ALG9: variants seen among roughly 807,000 people sequenced by gnomAD.
The protein encoded by ALG9 is ALG9 alpha-1,2-mannosyltransferase.
A neutral mutation model predicts 81.8 loss-of-function variants in ALG9; 55 were observed. That is an observed-to-expected ratio of 0.67 (90% CI 0.54 to 0.84). The LOEUF (loss-of-function observed/expected upper bound fraction) is 0.84. Ranked by LOEUF, ALG9 falls within the 40% of genes least tolerant of loss-of-function variation. ALG9 has a pLI of 0.00. For missense variants in ALG9, 629 were observed against 745.0 expected, an observed-to-expected ratio of 0.84 and a Z score of 1.81; for synonymous variants, 278 against 274.3, an observed-to-expected ratio of 1.01 and a Z score of -0.13.
chr11:111,777,653 A>T (rs1555055693), downstream of ALG9, among the ~76,000 whole-genome samples: 4 of 149,910 alleles, frequency 2.7e-5, no homozygotes, highest in East Asian at 2.0e-4. Flanking sequence ...ACACAAATAT[A>T]AAAAAAAAAT....
At position 111,864,537 on chromosome 11, in the gene ALG9, C is replaced by T. The variant is rs1961605739; in HGVS notation, c.476+644G>A. ...TTCAAAAGAGAGCTAAATTTGAAGC[C>T]TGTACAAAAGCTTATCCCTGTAGCA... On this transcript the variant is annotated intron_variant, in intron 4 of 14. Coordinates refer to ENST00000616540, the MANE Select transcript of ALG9 (RefSeq NM_024740.2). 4 of 639,214 alleles carry T rather than the reference C, an allele frequency of 6.3e-6. No homozygotes were observed. The Admixed American group carries it at 9.4e-5, about 15-fold the overall frequency. 39.6% of individuals were successfully genotyped at this position (639,214 alleles called of 1,614,324 possible).
At chr11:111,826,609 C>T (rs1297877009) in intron 13 of ALG9, among the ~76,000 whole-genome samples, 1 of 152,014 alleles carries the variant, frequency 6.6e-6, no homozygotes, top group African/African-American at 2.4e-5. Flanking sequence ...CCTCACCTCT[C>T]CTGGTAGCTT....
At chr11:111,786,544 A>C in intron 14 of ALG9, 24 bp from the exon 15 acceptor site, 1 of 1,613,066 alleles carries the variant, frequency 6.2e-7, no homozygotes, top group South Asian at 1.1e-5. Flanking sequence ...GATAAAAAAA[A>C]GAATTTTATC....
At chr11:111,838,217 A>G (rs367602905) in intron 11 of ALG9, 32 bp downstream of exon 11, 179 of 1,612,946 alleles carry the variant, frequency 1.1e-4, no homozygotes, top group Non-Finnish European at 1.5e-4. Flanking sequence ...GTGACTCGTC[A>G]GTGTAGGTTA....
At chr11:111,863,183 C>A (rs1162880383) in intron 4 of ALG9, among the ~76,000 whole-genome samples, 1 of 151,838 alleles carries the variant, frequency 6.6e-6, no homozygotes, top group Non-Finnish European at 1.5e-5. Context: ...ACGGTGAAAC[C>A]CCATCTCTAC....
At chr11:111,857,540 T>C in intron 6 of ALG9, 62 bp downstream of exon 6, 1 of 1,608,878 alleles carries the variant, frequency 6.2e-7, no homozygotes, top group South Asian at 1.1e-5. Flanking sequence ...ATGGAGCTAA[T>C]CCAACATTAA....
intron 13 of ALG9, among the ~76,000 whole-genome samples, chr11:111,816,148 A>C (rs782331731): frequency 5.3e-5 from 8 of 152,314 alleles, no homozygotes; most frequent in East Asian, 3.9e-4. Context: ...TTGAGTATTG[A>C]ATTTGTTGAA....
intron 4 of ALG9, among the ~76,000 whole-genome samples, chr11:111,861,655 G>A (rs1960182990): frequency 6.6e-6 from 1 of 152,100 alleles, no homozygotes; most frequent in African/African-American, 2.4e-5. Context: ...CTAATTTTTT[G>A]TAGAGATGAG....
intron 5 of ALG9, among the ~76,000 whole-genome samples, chr11:111,859,059 A>G (rs1266863186): frequency 6.6e-6 from 1 of 152,144 alleles, no homozygotes; most frequent in Non-Finnish European, 1.5e-5. Flanking sequence ...CTTTAAAACT[A>G]GCCAGGCATG....
intron 13 of ALG9, 55 bp from the exon 14 acceptor site, chr11:111,809,828 T>C: frequency 1.2e-6 from 2 of 1,601,378 alleles, no homozygotes; most frequent in Non-Finnish European, 1.7e-6. Flanking sequence ...CCCTTCAGGG[T>C]AGAGAACAGC....
At chr11:111,861,447 GTTTCC>G (rs1269412409) in intron 4 of ALG9, among the ~76,000 whole-genome samples, 1 of 151,976 alleles carries the variant, frequency 6.6e-6, no homozygotes, top group Non-Finnish European at 1.5e-5. Flanking sequence ...TGGTTGGTTG[GTTTCC>G]TTTCGTTTCC....
chr11:111,804,106 G>A (rs1267808084), intron 14 of ALG9, among the ~76,000 whole-genome samples: 1 of 143,850 alleles, frequency 7.0e-6, no homozygotes, highest in Non-Finnish European at 1.5e-5. Context: ...GCACTCCAGC[G>A]TGTGTGACAG....
chr11:111,786,322 A>G lies in ALG9; in HGVS notation c.*75T>C. 1 of 1,600,724 alleles carries G rather than the reference A, an allele frequency of 6.2e-7. No homozygotes were observed. The highest frequency in any genetic ancestry group is 8.6e-7 in the Non-Finnish European group (1 of 1,169,472). ...ACCTTTATTACAAATGTTACAGGCG[A>G]TGACTTGCAGGGAGTCAGGTCACTG... On this transcript the variant is annotated 3_prime_UTR_variant, in exon 15 of 15. Coordinates refer to ENST00000616540, the MANE Select transcript of ALG9 (RefSeq NM_024740.2).
intron 14 of ALG9, among the ~76,000 whole-genome samples, chr11:111,789,691 G>A (rs782584910): frequency 1.3e-5 from 2 of 151,568 alleles, no homozygotes; most frequent in African/African-American, 2.4e-5. Flanking sequence ...AAATAACAGC[G>A]CGCCTGTAAT....
At chr11:111,844,841 G>A in intron 8 of ALG9, 118 bp from the exon 9 acceptor site, 2 of 1,132,744 alleles carry the variant, frequency 1.8e-6, no homozygotes, top group South Asian at 2.5e-5. Flanking sequence ...TCATGGGAAT[G>A]AGAGTGCACA....
intron 14 of ALG9, among the ~76,000 whole-genome samples, chr11:111,803,203 T>C (rs1271160890): frequency 6.6e-6 from 1 of 152,116 alleles, no homozygotes; most frequent in African/African-American, 2.4e-5. Context: ...AAAATAATAT[T>C]GAAGAAGAAC....
At chr11:111,825,899 C>T (rs1456333021) in intron 13 of ALG9, among the ~76,000 whole-genome samples, 1 of 151,642 alleles carries the variant, frequency 6.6e-6, no homozygotes, top group Non-Finnish European at 1.5e-5. Context: ...GCCATCTCTA[C>T]TAAAAATACA....
intron 5 of ALG9, 169 bp from the exon 6 acceptor site, chr11:111,857,906 A>T (rs1459004144): frequency 1.3e-5 from 10 of 793,144 alleles, no homozygotes; most frequent in Admixed American, 2.5e-5. Flanking sequence ...ATTCTTTTTT[A>T]AAAAAATGAA....
At chr11:111,846,072 A>G (rs1266709043) in intron 8 of ALG9, among the ~76,000 whole-genome samples, 1 of 152,252 alleles carries the variant, frequency 6.6e-6, no homozygotes, top group East Asian at 1.9e-4. Context: ...TTTGGGTTAT[A>G]GAAAACTAAC....
Sources: allele counts gnomAD v4.1 joint callset (sites outside exome capture counted in the v4.1 genomes callset), GRCh38; gene constraint gnomAD v4.1.1; transcripts MANE v1.5; gene names NCBI Gene and HGNC (gene_info 2026-07-23, HGNC 2026-07-21).